Variants in LRRC49 observed in about 807,000 individuals in gnomAD.
LRRC49 encodes leucine-rich repeat-containing protein 49.
A neutral mutation model predicts 83.3 loss-of-function variants in LRRC49; 50 were observed. That is an observed-to-expected ratio of 0.60 (90% CI 0.48 to 0.76). LRRC49 has a LOEUF of 0.76. LRRC49 is among the 30% of genes least tolerant of loss of function. The probability of loss-of-function intolerance (pLI) is 0.00; values close to 1 mark genes in which losing one functional copy is unlikely to be tolerated. For missense variants in LRRC49, 704 were observed against 809.1 expected, an observed-to-expected ratio of 0.87 and a Z score of 1.58; for synonymous variants, 286 against 283.3, an observed-to-expected ratio of 1.01 and a Z score of -0.10.
Position 70,904,772 on chromosome 15 carries a change from A to G in LRRC49, c.500+17A>G, listed in dbSNP as rs375390597. ...GAAAAACAGGTATTCTTTGTAGAGC[A>G]GTTTTTGTAGCCTAATGTTATGTGT... On this transcript the variant is annotated intron_variant, in intron 5 of 15. Coordinates refer to ENST00000260382, the MANE Select transcript of LRRC49 (RefSeq NM_017691.5). The G allele has an allele frequency of 1.8e-5, 28 of 1,573,340 alleles. No individual in the cohort carries two copies. Among genetic ancestry groups the G allele is most frequent in the African/African-American group, 2.7e-5 (2 of 73,912 alleles).
chr15:70,870,101 A>G (rs570682041), intron 1 of LRRC49, among the ~76,000 whole-genome samples: 2 of 152,362 alleles, frequency 1.3e-5, no homozygotes, highest in South Asian at 4.1e-4. Context: ...CCAGAGGACA[A>G]TTTAAGTTTG....
chr15:71,036,223 T>G (rs2039515005), intron 14 of LRRC49, among the ~76,000 whole-genome samples: 1 of 152,186 alleles, frequency 6.6e-6, no homozygotes, highest in Non-Finnish European at 1.5e-5. Flanking sequence ...TTTAAGTTCT[T>G]TGTAGATTCT....
chr15:70,892,224 C>T, upstream of LRRC49: 1 of 1,595,868 alleles, frequency 6.3e-7, no homozygotes, highest in Non-Finnish European at 8.5e-7. Context: ...AGCGACTTCC[C>T]AGACTTGGTG....
At chr15:70,978,848 C>T (rs2037299613) in intron 9 of LRRC49, among the ~76,000 whole-genome samples, 1 of 152,114 alleles carries the variant, frequency 6.6e-6, no homozygotes, top group Admixed American at 6.5e-5. Flanking sequence ...AAAACATTCT[C>T]ATCCTCTATT....
At chr15:70,944,468 G>A (rs376901240) in intron 8 of LRRC49, among the ~76,000 whole-genome samples, 9 of 152,158 alleles carry the variant, frequency 5.9e-5, no homozygotes, top group South Asian at 2.1e-4. Context: ...GCACTGGCGC[G>A]ATCTCCGTTC....
In LRRC49 at chr15:70,975,444, G is replaced by A. The variant is rs567861801; in HGVS notation, c.922-4657G>A. Among the ~76,000 whole-genome samples, 274 of 152,234 alleles carry A rather than the reference G, an allele frequency of 1.8e-3. 1 individual carries two copies. The highest frequency in any genetic ancestry group is 6.4e-3 in the African/African-American group (265 of 41,558). ...GTGGTGGCTCATGCCTGTAATCCTA[G>A]CACTTTGGGAGGCCAAGGTGGGCAG... On this transcript the variant is annotated intron_variant, in intron 9 of 15. Coordinates refer to ENST00000260382, the MANE Select transcript of LRRC49 (RefSeq NM_017691.5).
chr15:71,025,398 A>C (rs2039132547), intron 14 of LRRC49, among the ~76,000 whole-genome samples: 1 of 151,772 alleles, frequency 6.6e-6, no homozygotes. Flanking sequence ...AGCCATTACC[A>C]GCCACTGCAA....
At chr15:70,931,469 C>T (rs140836785) in intron 7 of LRRC49, among the ~76,000 whole-genome samples, 11 of 151,988 alleles carry the variant, frequency 7.2e-5, no homozygotes, top group East Asian at 1.9e-4. Flanking sequence ...GACCTAGAGA[C>T]GAAGTGAGCA....
intron 11 of LRRC49, among the ~76,000 whole-genome samples, chr15:70,991,601 C>A (rs1013528042): frequency 6.6e-6 from 1 of 152,090 alleles, no homozygotes; most frequent in East Asian, 1.9e-4. Flanking sequence ...GAATTTTTTT[C>A]GGATATTTTT....
At chr15:70,865,934 T>G (rs1595967714) in intron 1 of LRRC49, among the ~76,000 whole-genome samples, 1 of 152,276 alleles carries the variant, frequency 6.6e-6, no homozygotes, top group African/African-American at 2.4e-5. Context: ...GCAGCCACAC[T>G]TGGTTAATAA....
chr15:70,988,001 T>C (rs1288517039), intron 11 of LRRC49, among the ~76,000 whole-genome samples: 1 of 152,012 alleles, frequency 6.6e-6, no homozygotes, highest in Non-Finnish European at 1.5e-5. Flanking sequence ...GTCTGAGAGA[T>C]AGTTTGTTAT....
intron 8 of LRRC49, among the ~76,000 whole-genome samples, chr15:70,941,139 A>G (rs2035799381): frequency 6.6e-6 from 1 of 152,178 alleles, no homozygotes; most frequent in South Asian, 2.1e-4. Context: ...GAATTCTTTT[A>G]GTCAGAAAAT....
At chr15:70,903,871 AAGCATATATTTTTAAGGTTTCATCCT>A (rs1335732945) in intron 4 of LRRC49, among the ~76,000 whole-genome samples, 1 of 152,178 alleles carries the variant, frequency 6.6e-6, no homozygotes, top group African/African-American at 2.4e-5. Context: ...ATATAGCTCA[AAGCATATATTTTTAAGGTTTCATCCT>A]ACCCTGTAGC....
chr15:70,991,869 A>T (rs1263365540), intron 11 of LRRC49, among the ~76,000 whole-genome samples: 1 of 152,250 alleles, frequency 6.6e-6, no homozygotes, highest in East Asian at 1.9e-4. Flanking sequence ...ATAGTAAAGG[A>T]AGTAATTTGA....
rs952669688 is a variant in LRRC49, at chr15:71,052,597, T to G, written c.*2985T>G. On this transcript the variant is annotated 3_prime_UTR_variant, in exon 16 of 16. Coordinates refer to ENST00000260382, the MANE Select transcript of LRRC49 (RefSeq NM_017691.5). ...GGCAAGGAATGCACTGGGATTCATA[T>G]TCTCTTCAATGAGTAATCATCATAA... 2.0e-5 allele frequency: 3 copies of G among 152,264 alleles called. No individual in the cohort carries two copies. The highest frequency in any genetic ancestry group is 7.2e-5 in the African/African-American group (3 of 41,462). The allele number at this position is 152,264 out of a possible 1,614,324, so 9.4% of individuals were successfully genotyped here. A position where few individuals can be genotyped will look rare whatever the true frequency, so the allele number is the denominator to read the frequency against.
chr15:70,870,416 G>T (rs148002264), intron 1 of LRRC49, among the ~76,000 whole-genome samples: 4 of 152,334 alleles, frequency 2.6e-5, no homozygotes, highest in Non-Finnish European at 4.4e-5. Context: ...TTCATGTGAA[G>T]TTGTATCAAT....
intron 8 of LRRC49, among the ~76,000 whole-genome samples, chr15:70,940,012 C>T (rs754391551): frequency 8.6e-5 from 13 of 151,832 alleles, no homozygotes; most frequent in Non-Finnish European, 1.3e-4. Context: ...GATAATCCTC[C>T]GGGCTGTTTT....
intron 7 of LRRC49, among the ~76,000 whole-genome samples, chr15:70,924,398 G>A (rs549366282): frequency 8.5e-4 from 129 of 151,518 alleles, no homozygotes; most frequent in Non-Finnish European, 1.6e-3. Context: ...ATTTTCTTCT[G>A]TCTTATTTTG....
At chr15:70,909,197 T>TATAATTTCATATAA (rs1447719724) in intron 5 of LRRC49, among the ~76,000 whole-genome samples, 1 of 152,206 alleles carries the variant, frequency 6.6e-6, no homozygotes, top group Non-Finnish European at 1.5e-5. Context: ...TTTCAAGGTG[T>TATAATTTCATATAA]TAAAAATATG....
Sources: allele counts gnomAD v4.1 joint callset (sites outside exome capture counted in the v4.1 genomes callset), GRCh38; gene constraint gnomAD v4.1.1; transcripts MANE v1.5; gene names NCBI Gene and HGNC (gene_info 2026-07-23, HGNC 2026-07-21).